Variants in TRAF3 observed in about 807,000 individuals in gnomAD.
TRAF3 encodes TNF receptor-associated factor 3.
TRAF3 carries 13 observed loss-of-function variants against 62.3 expected under a neutral mutation model. The observed-to-expected ratio is 0.21, with a 90% CI of 0.14 to 0.33. TRAF3 has a LOEUF of 0.33. Ranked by LOEUF, TRAF3 falls within the 10% of genes least tolerant of loss-of-function variation. TRAF3 has a pLI of 1.00. For synonymous variants in TRAF3, 269 were observed against 283.4 expected (o/e 0.95, Z 0.51); for missense variants, 440 against 741.8 (o/e 0.59, Z 4.73).
intron 2 of TRAF3, among the ~76,000 whole-genome samples, chr14:102,853,728 A>T (rs750286231): frequency 1.7e-4 from 26 of 151,738 alleles, no homozygotes; most frequent in Non-Finnish European, 3.7e-4. Context: ...ACCTCAGGCA[A>T]TTGGGAGGCT....
At position 102,905,329 on chromosome 14, in the gene TRAF3, C is replaced by T; in HGVS notation, c.1252C>T (p.Leu418Phe). 6.2e-7 allele frequency: 1 copy of T among 1,614,234 alleles called. No homozygotes were observed. Among genetic ancestry groups the T allele is most frequent in the Non-Finnish European group, 8.5e-7 (1 of 1,180,034 alleles). The stretch of plus-strand genomic sequence containing the variant: ...GGAGACCGCCAGCTACAATGGAGTG[C>T]TCATCTGGAAGATTCGCGACTACAA... ...VLETASYNGV[L>F]IWKIRDYKRR... Residue 418 changes from leucine to phenylalanine, a missense_variant, in exon 12 of 12, where the codon CTC (leucine) becomes TTC (phenylalanine). Coordinates refer to ENST00000392745, the MANE Select transcript of TRAF3 (RefSeq NM_145725.3).
At chr14:102,890,150 A>G (rs752190571) in intron 8 of TRAF3, among the ~76,000 whole-genome samples, 30 of 152,366 alleles carry the variant, frequency 2.0e-4, no homozygotes, top group Non-Finnish European at 3.1e-4. Context: ...CACCTCCCCG[A>G]GAACAGTGTG....
At chr14:102,831,922 G>A (rs933184079) in intron 2 of TRAF3, among the ~76,000 whole-genome samples, 2 of 152,068 alleles carry the variant, frequency 1.3e-5, no homozygotes, top group Admixed American at 6.5e-5. Context: ...TAGTAACTTA[G>A]CACAAGGCTT....
In TRAF3 at chr14:102,876,698, C is replaced by T. The variant is rs140610269; in HGVS notation, c.570+173C>T. 2.3e-4 allele frequency: 195 copies of T among 842,194 alleles called. No individual in the cohort carries two copies. The African/African-American group carries it at 2.4e-3, about 10-fold the overall frequency. 52.2% of individuals were successfully genotyped at this position (842,194 alleles called of 1,614,324 possible). ...TAGATATTCCGTTCCACAGGCCTTC[C>T]GCTCAATTCATAGATAATCCGTTCC... is the stretch of plus-strand genomic sequence containing the variant. On this transcript the variant is annotated intron_variant, in intron 6 of 11. Transcript: ENST00000392745.
intron 1 of TRAF3, among the ~76,000 whole-genome samples, chr14:102,777,929 G>C (rs1897092897): frequency 6.7e-6 from 1 of 149,852 alleles, no homozygotes; most frequent in African/African-American, 2.4e-5. Flanking sequence ...CGGAGGCCGG[G>C]CTCGGGGCCC....
At chr14:102,860,133 G>A (rs891780604) in intron 2 of TRAF3, among the ~76,000 whole-genome samples, 6 of 152,168 alleles carry the variant, frequency 3.9e-5, no homozygotes, top group African/African-American at 1.4e-4. Flanking sequence ...AGGTGGCCAA[G>A]AGCATGCTCT....
At chr14:102,889,497 A>C in intron 7 of TRAF3, 63 bp from the exon 8 acceptor site, 2 of 1,525,462 alleles carry the variant, frequency 1.3e-6, no homozygotes, top group Non-Finnish European at 1.8e-6. Flanking sequence ...TCTGTGCCCT[A>C]ATATGTTTGA....
chr14:102,837,387 C>T lies in TRAF3; in HGVS notation c.-18+6915C>T, dbSNP rs900944957. Among the ~76,000 whole-genome samples, 14 of 152,278 alleles carry T rather than the reference C, an allele frequency of 9.2e-5. 1 individual carries two copies. The South Asian group carries it at 1.0e-3, about 11-fold the overall frequency. ...CTCCTGGCCTCAAGTGATCCTTCCA[C>T]CTTGACCTTCCAAAGTCAAAGTGCT... On this transcript the variant is annotated intron_variant, in intron 2 of 11. Transcript: ENST00000392745.
intron 2 of TRAF3, among the ~76,000 whole-genome samples, chr14:102,866,836 C>T (rs1888019191): frequency 6.8e-6 from 1 of 145,992 alleles, no homozygotes; most frequent in Admixed American, 7.0e-5. Flanking sequence ...CAGAACGAGA[C>T]TCCATCTCTT....
chr14:102,832,817 C>T (rs1464753246), intron 2 of TRAF3, among the ~76,000 whole-genome samples: 4 of 151,916 alleles, frequency 2.6e-5, no homozygotes, highest in South Asian at 2.1e-4. Flanking sequence ...AGAATTAGAA[C>T]GGGTTTTTTT....
At chr14:102,889,520 A>G (rs888991353) in intron 7 of TRAF3, 40 bp from the exon 8 acceptor site, 2 of 1,606,092 alleles carry the variant, frequency 1.2e-6, no homozygotes, top group East Asian at 4.5e-5. Context: ...ATTTTCATGC[A>G]AACGTTTGTG....
chr14:102,881,953 G>T (rs1436858223), intron 6 of TRAF3, among the ~76,000 whole-genome samples: 1 of 152,156 alleles, frequency 6.6e-6, no homozygotes, highest in African/African-American at 2.4e-5. Context: ...ACGAAATGGC[G>T]TCAGACCCTG....
At chr14:102,897,514 A>C in intron 10 of TRAF3, 113 bp downstream of exon 10, 1 of 1,372,270 alleles carries the variant, frequency 7.3e-7, no homozygotes, top group South Asian at 1.3e-5. Flanking sequence ...TGCAAGCAGA[A>C]AGGCAACTGA....
rs543717070 is a variant in TRAF3, at chr14:102,902,069, C to T, written c.961-1186C>T. On this transcript the variant is annotated intron_variant, in intron 10 of 11. Coordinates refer to ENST00000392745, the MANE Select transcript of TRAF3 (RefSeq NM_145725.3). ...CTTAACACAGACTGGGCCACCAGGG[C>T]GGAGTACAGCTCCCACCCCTCCAGG... Among the ~76,000 whole-genome samples the T allele has an allele frequency of 2.6e-5, 4 of 152,370 alleles. No homozygotes were observed. In the South Asian group the frequency reaches 6.2e-4, roughly 24 times the overall value.
chr14:102,805,919 A>G (rs375867686), intron 1 of TRAF3, among the ~76,000 whole-genome samples: 5 of 151,730 alleles, frequency 3.3e-5, no homozygotes, highest in African/African-American at 1.2e-4. Context: ...GAACATTTCA[A>G]ACTTAACTAA....
chr14:102,843,054 T>C (rs59312719), intron 2 of TRAF3, among the ~76,000 whole-genome samples: 9,544 of 151,606 alleles, frequency 0.063, 485 homozygotes, highest in African/African-American at 0.14. Flanking sequence ...CTAAAAAAAA[T>C]TAGCTGGGTG....
intron 1 of TRAF3, among the ~76,000 whole-genome samples, chr14:102,822,928 C>T (rs1871222141): frequency 1.3e-5 from 2 of 151,974 alleles, no homozygotes; most frequent in Admixed American, 1.3e-4. Context: ...GTTGCTTGAA[C>T]CCGGGAGGCA....
intron 9 of TRAF3, among the ~76,000 whole-genome samples, chr14:102,892,902 T>C (rs1889802270): frequency 6.6e-6 from 1 of 152,264 alleles, no homozygotes. Flanking sequence ...CGCAGAATCC[T>C]AGCCATCTTC....
rs35056615 is a variant in TRAF3, at chr14:102,834,687, C to CAAA, written c.-18+4233_-18+4235dup. The stretch of plus-strand genomic sequence containing the variant: ...TGGGTGACAGAGCGAGACTCCGTCT[C>CAAA]AAAAAAAAAAAAAAAAAAAAGAAAT... On this transcript the variant is annotated intron_variant, in intron 2 of 11. Transcript: ENST00000392745. Among the ~76,000 whole-genome samples, 82 of 54,240 alleles carry CAAA rather than the reference C, an allele frequency of 1.5e-3. 5 individuals are homozygous for CAAA. Among genetic ancestry groups the CAAA allele is most frequent in the African/African-American group, 4.4e-3 (56 of 12,828 alleles). 35.6% of individuals were successfully genotyped at this position (54,240 alleles called of 152,430 possible). A position where few individuals can be genotyped will look rare whatever the true frequency, so the allele number is the denominator to read the frequency against.
Sources: gnomAD v4.1 joint callset for allele counts (sites outside exome capture counted in the v4.1 genomes callset) on GRCh38, gnomAD v4.1.1 for gene constraint, MANE v1.5 for transcripts, NCBI Gene and HGNC (gene_info 2026-07-23, HGNC 2026-07-21) for gene names.